The following IL1RAPL1 variants were observed in gnomAD, a reference collection of about 807,000 sequenced individuals.
IL1RAPL1 encodes the protein interleukin-1 receptor accessory protein-like 1.
A neutral mutation model predicts 48.4 loss-of-function variants in IL1RAPL1; 3 were observed. That is an observed-to-expected ratio of 0.06 (90% CI 0.03 to 0.16). IL1RAPL1 has a LOEUF of 0.16. IL1RAPL1 is among the 10% of genes least tolerant of loss of function. The pLI, the probability that IL1RAPL1 is intolerant of heterozygous loss-of-function variation, is 1.00. For synonymous variants in IL1RAPL1, 185 were observed against 187.7 expected, an observed-to-expected ratio of 0.99 and a Z score of 0.12; for missense variants, 349 against 530.6, an observed-to-expected ratio of 0.66 and a Z score of 3.36.
intron 2 of IL1RAPL1, among the ~76,000 whole-genome samples, chrX:28,801,917 A>G (rs1268591954): frequency 8.9e-6 from 1 of 111,978 alleles, no homozygotes; most frequent in Non-Finnish European, 1.9e-5. Context: ...CCTTTCACAA[A>G]TATTTATTGA....
At chrX:29,843,611 G>C (rs1200400478) in intron 6 of IL1RAPL1, among the ~76,000 whole-genome samples, 3 of 111,151 alleles carry the variant, frequency 2.7e-5, no homozygotes, top group South Asian at 3.8e-4. Context: ...GGCAGGGCTT[G>C]GTCTTTTCTG....
At chrX:29,560,201 C>T (rs995085143) in intron 5 of IL1RAPL1, among the ~76,000 whole-genome samples, 12 of 111,384 alleles carry the variant, frequency 1.1e-4, no homozygotes, top group Admixed American at 2.9e-4. Flanking sequence ...TCTTGTACTC[C>T]GGATATATAA....
chrX:29,739,074 G>A, intron 6 of IL1RAPL1, among the ~76,000 whole-genome samples: 1 of 111,839 alleles, frequency 8.9e-6, no homozygotes, highest in Non-Finnish European at 1.9e-5. Context: ...AACCCAATTA[G>A]GTAACATTTC....
chrX:29,650,223 T>A (rs1057174356), intron 5 of IL1RAPL1, among the ~76,000 whole-genome samples: 1 of 111,830 alleles, frequency 8.9e-6, no homozygotes, highest in Non-Finnish European at 1.9e-5. Context: ...ACAGAGTCAA[T>A]GCAATCTCTA....
intron 6 of IL1RAPL1, among the ~76,000 whole-genome samples, chrX:29,723,358 C>T (rs983374397): frequency 8.9e-6 from 1 of 112,192 alleles, no homozygotes; most frequent in Non-Finnish European, 1.9e-5. Context: ...AAGTGATTCT[C>T]GTGCCTCAGC....
intron 2 of IL1RAPL1, among the ~76,000 whole-genome samples, chrX:28,854,591 G>T (rs1207412977): frequency 9.0e-6 from 1 of 111,402 alleles, no homozygotes; most frequent in Non-Finnish European, 1.9e-5. Flanking sequence ...TAATTAGTAG[G>T]TAAAATCACT....
At chrX:29,178,469 A>C (rs1267292943) in intron 2 of IL1RAPL1, among the ~76,000 whole-genome samples, 2 of 111,749 alleles carry the variant, frequency 1.8e-5, no homozygotes, top group Non-Finnish European at 3.8e-5. Context: ...AAATTTGTTC[A>C]AGTTCTTTAT....
chrX:28,774,856 T>C (rs1000865870), intron 1 of IL1RAPL1, among the ~76,000 whole-genome samples: 3 of 111,785 alleles, frequency 2.7e-5, no homozygotes, highest in African/African-American at 9.8e-5. Context: ...TCTCAGTAAA[T>C]GGTAGCACAA....
At chrX:29,105,562 C>A in intron 2 of IL1RAPL1, among the ~76,000 whole-genome samples, 1 of 112,168 alleles carries the variant, frequency 8.9e-6, no homozygotes, top group East Asian at 2.8e-4. Flanking sequence ...TTCTCCTTTG[C>A]AATGTTGGAG....
chrX:29,253,277 A>C (rs184530696), intron 2 of IL1RAPL1, among the ~76,000 whole-genome samples: 160 of 111,285 alleles, frequency 1.4e-3, no homozygotes, highest in African/African-American at 5.1e-3. Context: ...TTTTCTGGGC[A>C]TTGTATTCTC....
intron 6 of IL1RAPL1, among the ~76,000 whole-genome samples, chrX:29,809,478 C>T (rs149454360): frequency 1.6e-4 from 18 of 111,248 alleles, no homozygotes; most frequent in African/African-American, 4.2e-4. Flanking sequence ...GCTTAACTTA[C>T]GAAATCTACT....
At chrX:29,680,819 T>C (rs1199240874) in intron 6 of IL1RAPL1, among the ~76,000 whole-genome samples, 1 of 111,633 alleles carries the variant, frequency 9.0e-6, no homozygotes, top group Middle Eastern at 4.2e-3. Flanking sequence ...CAACTAATAC[T>C]GACATCCTTT....
chrX:28,762,404 G>T (rs986631944), intron 1 of IL1RAPL1, among the ~76,000 whole-genome samples: 4 of 111,034 alleles, frequency 3.6e-5, no homozygotes, highest in African/African-American at 1.3e-4. Flanking sequence ...ATCCACAAAG[G>T]AAAAGACAAA....
chrX:28,633,078 G>A (rs1343607478), intron 1 of IL1RAPL1, among the ~76,000 whole-genome samples: 11 of 109,725 alleles, frequency 1.0e-4, no homozygotes, highest in Non-Finnish European at 1.3e-4. Context: ...TAGTAGAGAC[G>A]GGTTTTCGCC....
intron 2 of IL1RAPL1, among the ~76,000 whole-genome samples, chrX:29,078,553 T>C (rs895627998): frequency 8.0e-5 from 9 of 112,198 alleles, no homozygotes; most frequent in African/African-American, 2.3e-4. Context: ...GCTCCGTAAA[T>C]TAGCTATTAC....
At chrX:29,037,406 T>C (rs1217613900) in intron 2 of IL1RAPL1, among the ~76,000 whole-genome samples, 1 of 111,658 alleles carries the variant, frequency 9.0e-6, no homozygotes, top group Non-Finnish European at 1.9e-5. Context: ...TTTCTCCTCT[T>C]GCTTAACTGG....
At chrX:29,570,913 A>T (rs1171230729) in intron 5 of IL1RAPL1, among the ~76,000 whole-genome samples, 1 of 112,610 alleles carries the variant, frequency 8.9e-6, no homozygotes, top group African/African-American at 3.2e-5. Flanking sequence ...TCTTCTGTCC[A>T]AAGGATACAT....
chrX:28,729,372 A>G (rs968472083), intron 1 of IL1RAPL1, among the ~76,000 whole-genome samples: 11 of 111,428 alleles, frequency 9.9e-5, no homozygotes, highest in Non-Finnish European at 2.1e-4. Flanking sequence ...AAATTAGGTT[A>G]TATATGCTAT....
chrX:29,129,267 T>A (rs924126732), intron 2 of IL1RAPL1, among the ~76,000 whole-genome samples: 3 of 110,887 alleles, frequency 2.7e-5, no homozygotes, highest in Non-Finnish European at 5.7e-5. Flanking sequence ...GGTCTCAAAC[T>A]CCCGACCTCA....
Sources: allele counts gnomAD v4.1 joint callset (sites outside exome capture counted in the v4.1 genomes callset), GRCh38; gene constraint gnomAD v4.1.1; transcripts MANE v1.5; gene names NCBI Gene and HGNC (gene_info 2026-07-23, HGNC 2026-07-21).